Variants in KCNN2 observed in about 807,000 individuals in gnomAD.
KCNN2 encodes the protein small conductance calcium-activated potassium channel protein 2.
A neutral mutation model predicts 55.5 loss-of-function variants in KCNN2; 24 were observed. The ratio of observed to expected loss-of-function variants is 0.43; its 90% CI spans 0.31 to 0.61. KCNN2 has a LOEUF of 0.61. KCNN2 is among the 20% of genes least tolerant of loss of function. The probability of loss-of-function intolerance (pLI) is 0.08; values close to 1 mark genes in which losing one functional copy is unlikely to be tolerated. For synonymous variants in KCNN2, 431 were observed against 336.1 expected, an observed-to-expected ratio of 1.28 and a Z score of -3.09; for missense variants, 754 against 853.6, an observed-to-expected ratio of 0.88 and a Z score of 1.45.
At chr5:114,212,298 A>G (rs1156412659) in intron 1 of KCNN2, among the ~76,000 whole-genome samples, 1 of 152,106 alleles carries the variant, frequency 6.6e-6, no homozygotes, top group African/African-American at 2.4e-5. Context: ...AGTCCAAAGG[A>G]TTGCATGGTG....
intron 1 of KCNN2, among the ~76,000 whole-genome samples, chr5:114,194,395 G>T (rs1266842524): frequency 2.0e-5 from 3 of 151,940 alleles, no homozygotes; most frequent in African/African-American, 7.2e-5. Flanking sequence ...AGCCATCCTA[G>T]TGGAGTGAAG....
chr5:114,264,297 T>C (rs1755166842), intron 2 of KCNN2, among the ~76,000 whole-genome samples: 1 of 152,200 alleles, frequency 6.6e-6, no homozygotes, highest in Non-Finnish European at 1.5e-5. Context: ...TCTACACTTT[T>C]ATTATCATCC....
At chr5:114,395,063 A>T (rs944930344) in intron 2 of KCNN2, among the ~76,000 whole-genome samples, 2 of 152,140 alleles carry the variant, frequency 1.3e-5, no homozygotes, top group Admixed American at 1.3e-4. Flanking sequence ...AGGTAAACCC[A>T]AGATGTTTAA....
intron 2 of KCNN2, among the ~76,000 whole-genome samples, chr5:114,382,204 C>G (rs1279558543): frequency 6.6e-6 from 1 of 152,160 alleles, no homozygotes; most frequent in East Asian, 1.9e-4. Flanking sequence ...CGTTACTATT[C>G]TGCAGTGCAA....
chr5:114,357,443 TC>T (rs1250228837), upstream of KCNN2, among the ~76,000 whole-genome samples: 14 of 97,134 alleles, frequency 1.4e-4, no homozygotes, highest in Non-Finnish European at 2.6e-4. Flanking sequence ...ATGCTATCCC[TC>T]CCCCCTCCCC....
At chr5:114,238,799 T>C (rs1253953120) in intron 2 of KCNN2, among the ~76,000 whole-genome samples, 2 of 152,164 alleles carry the variant, frequency 1.3e-5, no homozygotes, top group African/African-American at 4.8e-5. Context: ...TTAACATAGA[T>C]CAAAATGCAA....
chr5:114,136,246 T>C (rs1752171594), intron 1 of KCNN2, among the ~76,000 whole-genome samples: 1 of 152,118 alleles, frequency 6.6e-6, no homozygotes, highest in African/African-American at 2.4e-5. Flanking sequence ...GCTATTATCA[T>C]GGGAGTGGGG....
chr5:114,254,583 T>C (rs758419682), intron 2 of KCNN2, among the ~76,000 whole-genome samples: 19 of 152,176 alleles, frequency 1.2e-4, no homozygotes, highest in Non-Finnish European at 2.2e-4. Context: ...ATAGGACTTA[T>C]AAAAAAGTTA....
chr5:114,249,403 C>T (rs1754814207), intron 2 of KCNN2, among the ~76,000 whole-genome samples: 1 of 151,740 alleles, frequency 6.6e-6, no homozygotes, highest in South Asian at 2.1e-4. Context: ...TCTCCTGCCT[C>T]AGCCTCCCAA....
At chr5:114,188,717 T>A (rs1173380046) in intron 1 of KCNN2, among the ~76,000 whole-genome samples, 1 of 132,568 alleles carries the variant, frequency 7.5e-6, no homozygotes, top group Non-Finnish European at 1.7e-5. Flanking sequence ...TTCATAATAG[T>A]GCCAAAACTA....
intron 2 of KCNN2, among the ~76,000 whole-genome samples, chr5:114,309,027 C>T (rs938868887): frequency 1.1e-4 from 16 of 152,228 alleles, no homozygotes; most frequent in Middle Eastern, 6.8e-3. Flanking sequence ...ATGTTTAATT[C>T]TAACACTTGA....
chr5:114,350,489 C>T (rs1757187830), intron 2 of KCNN2, among the ~76,000 whole-genome samples: 1 of 151,778 alleles, frequency 6.6e-6, no homozygotes, highest in African/African-American at 2.4e-5. Context: ...CTATGTTTTT[C>T]CTTTGTAGCT....
intron 1 of KCNN2, among the ~76,000 whole-genome samples, chr5:114,202,567 G>GTATATA (rs1314767935): frequency 1.1e-5 from 1 of 93,660 alleles, no homozygotes; most frequent in African/African-American, 3.9e-5. Flanking sequence ...ATATGTGTGT[G>GTATATA]TATATATATA....
chr5:114,240,124 A>G (rs1382080393), intron 2 of KCNN2, among the ~76,000 whole-genome samples: 1 of 152,132 alleles, frequency 6.6e-6, no homozygotes, highest in Non-Finnish European at 1.5e-5. Flanking sequence ...AAATTAAATA[A>G]AATGTTGGCT....
At chr5:114,440,674 A>C (rs1580838012) in intron 3 of KCNN2, among the ~76,000 whole-genome samples, 1 of 16,276 alleles carries the variant, frequency 6.1e-5, no homozygotes. Context: ...ACTCAGGGGA[A>C]GTGGGGTGGG....
intron 3 of KCNN2, among the ~76,000 whole-genome samples, chr5:114,416,956 G>T (rs1561617813): frequency 6.6e-6 from 1 of 152,150 alleles, no homozygotes; most frequent in Non-Finnish European, 1.5e-5. Context: ...TTGCGTTAAA[G>T]AAATGGTTGT....
intron 1 of KCNN2, among the ~76,000 whole-genome samples, chr5:114,105,939 A>T (rs1361919788): frequency 6.6e-6 from 1 of 151,954 alleles, no homozygotes; most frequent in Non-Finnish European, 1.5e-5. Context: ...TAAAAAGTTC[A>T]TTTATTACAG....
At position 114,385,310 on chromosome 5, in the gene KCNN2, T is replaced by C. The variant is rs530213011; in HGVS notation, c.1219-19128T>C. Among the ~76,000 whole-genome samples, 336 of 152,198 alleles carry C rather than the reference T, an allele frequency of 2.2e-3. 2 individuals carry two copies. The highest frequency in any genetic ancestry group is 8.0e-3 in the African/African-American group (332 of 41,532). ...GAAGTTAGTCCCCAGCCACCAAACC[T>C]TAAATTTTTGTTGTACTGTTGCATG... On this transcript the variant is annotated intron_variant, in intron 2 of 7. Transcript: ENST00000673685.
At chr5:114,123,689 C>G (rs2112600612) in intron 1 of KCNN2, among the ~76,000 whole-genome samples, 1 of 152,200 alleles carries the variant, frequency 6.6e-6, no homozygotes, top group South Asian at 2.1e-4. Context: ...TTTGTCAGAT[C>G]AAATAAAAAG....
Sources: gnomAD v4.1 joint callset for allele counts (sites outside exome capture counted in the v4.1 genomes callset) on GRCh38, gnomAD v4.1.1 for gene constraint, MANE v1.5 for transcripts, NCBI Gene and HGNC (gene_info 2026-07-23, HGNC 2026-07-21) for gene names.